Variants in PRPF31 observed in about 807,000 individuals in gnomAD.
The protein encoded by PRPF31 is U4/U6 small nuclear ribonucleoprotein Prp31.
Under a neutral mutation model 60.4 loss-of-function variants are expected in PRPF31, and 12 were observed. The observed-to-expected ratio is 0.20, with a 90% CI of 0.13 to 0.32. The LOEUF (loss-of-function observed/expected upper bound fraction) is 0.32, where lower values mean the gene tolerates loss of function less well. Ranked by LOEUF, PRPF31 falls within the 10% of genes least tolerant of loss-of-function variation. The probability of loss-of-function intolerance (pLI) is 1.00; values close to 1 mark genes in which losing one functional copy is unlikely to be tolerated. For synonymous variants in PRPF31, 287 were observed against 287.9 expected, an observed-to-expected ratio of 1.00 and a Z score of 0.03; for missense variants, 431 against 687.1, an observed-to-expected ratio of 0.63 and a Z score of 4.17.
At chr19:54,126,469 G>T (rs2073923138) in intron 8 of PRPF31, 59 bp from the exon 9 acceptor site, 2 of 1,550,340 alleles carry the variant, frequency 1.3e-6, no homozygotes, top group Non-Finnish European at 8.8e-7. Context: ...CGGTTGCTTT[G>T]CTGTTACCTC....
At chr19:54,126,711 C>A (rs587750412) in intron 9 of PRPF31, 94 bp downstream of exon 9, 4 of 1,239,702 alleles carry the variant, frequency 3.2e-6, no homozygotes, top group African/African-American at 1.5e-5. Flanking sequence ...CCCACCCCAG[C>A]GAGCACTGTC....
At chr19:54,131,017 A>C (rs975134613) in intron 13 of PRPF31, among the ~76,000 whole-genome samples, 1 of 152,180 alleles carries the variant, frequency 6.6e-6, no homozygotes, top group Admixed American at 6.5e-5. Flanking sequence ...CCAGGGACTC[A>C]GTTTCCTTAT....
chr19:54,121,790 C>T (rs1223045393), intron 3 of PRPF31, 70 bp from the exon 4 acceptor site: 1 of 1,458,164 alleles, frequency 6.9e-7, no homozygotes, highest in Admixed American at 2.0e-5. Flanking sequence ...TCCTCCGCCT[C>T]CTCCAGCTGC....
At chr19:54,127,640 A>G (rs1231460820) in intron 9 of PRPF31, among the ~76,000 whole-genome samples, 2 of 152,318 alleles carry the variant, frequency 1.3e-5, no homozygotes, top group Admixed American at 6.5e-5. Context: ...GTAATTATTC[A>G]GTTACCTTCT....
intron 8 of PRPF31, chr19:54,125,032 C>T: frequency 2.6e-6 from 1 of 383,510 alleles, no homozygotes; most frequent in South Asian, 2.6e-5. Context: ...TCAGGTTTGA[C>T]CATTCACTAG....
At chr19:54,126,978 G>C (rs1355781388) in intron 9 of PRPF31, among the ~76,000 whole-genome samples, 1 of 152,152 alleles carries the variant, frequency 6.6e-6, no homozygotes, top group Non-Finnish European at 1.5e-5. Context: ...AAATTAGCCG[G>C]GTGTGGTGGC....
At chr19:54,128,888 G>A (rs1600359219) in intron 11 of PRPF31, among the ~76,000 whole-genome samples, 169 bp from the exon 12 acceptor site, 2 of 152,160 alleles carry the variant, frequency 1.3e-5, no homozygotes, top group African/African-American at 2.4e-5. Flanking sequence ...AGCATCCCCC[G>A]CGTGTGTGGG....
chr19:54,126,477 C>T (rs775808620), intron 8 of PRPF31, 51 bp from the exon 9 acceptor site: 9 of 1,566,594 alleles, frequency 5.7e-6, no homozygotes, highest in Non-Finnish European at 7.0e-6. Flanking sequence ...TTGCTGTTAC[C>T]TCTGTCTGTC....
At chr19:54,128,968 C>G in intron 11 of PRPF31, 89 bp from the exon 12 acceptor site, 1 of 1,392,694 alleles carries the variant, frequency 7.2e-7, no homozygotes. Context: ...CTGGTGACCG[C>G]TGGGCTTCGG....
Position 54,129,387 on chromosome 19 carries a change from G to T in PRPF31, c.1374+17G>T. 1 of 1,576,282 alleles carries T rather than the reference G, an allele frequency of 6.3e-7. No individual in the cohort carries two copies. Among genetic ancestry groups the T allele is most frequent in the Non-Finnish European group, 8.6e-7 (1 of 1,162,584 alleles). On this transcript the variant is annotated intron_variant, in intron 13 of 13. Transcript: ENST00000321030. Reference sequence around the variant, plus strand: ...CCACTCCAGGTACCTCCCCTGGGCCGGCTCTGTCCCCAGCCCTGAGACCTT... The same window carrying T: ...CCACTCCAGGTACCTCCCCTGGGCCTGCTCTGTCCCCAGCCCTGAGACCTT...
chr19:54,131,254 G>T, intron 13 of PRPF31, 53 bp from the exon 14 acceptor site: 1 of 1,609,908 alleles, frequency 6.2e-7, no homozygotes, highest in Non-Finnish European at 8.5e-7. Flanking sequence ...ATGGGTCACA[G>T]TTGGGGCCTT....
intron 8 of PRPF31, 135 bp from the exon 9 acceptor site, chr19:54,126,393 C>T: frequency 2.5e-6 from 2 of 788,380 alleles, no homozygotes; most frequent in Admixed American, 4.0e-5. Context: ...GAGCACACAC[C>T]TCTAGAGCCC....
intron 8 of PRPF31, among the ~76,000 whole-genome samples, chr19:54,126,259 C>A (rs1424867466): frequency 6.6e-6 from 1 of 152,210 alleles, no homozygotes; most frequent in Non-Finnish European, 1.5e-5. Context: ...CCGGCGTCTC[C>A]ACAGTCACCA....
intron 4 of PRPF31, chr19:54,122,190 G>A (rs1256894522): frequency 2.5e-5 from 16 of 628,948 alleles, no homozygotes; most frequent in African/African-American, 1.5e-4. Flanking sequence ...CCTGTTGGTC[G>A]GCCACCTGCC....
chr19:54,115,906 TTG>T (rs765670561), intron 1 of PRPF31, 109 bp downstream of exon 1: 6 of 176,920 alleles, frequency 3.4e-5, no homozygotes, highest in Non-Finnish European at 7.3e-5. Flanking sequence ...TGTTTTTTTG[TTG>T]TTTGTTTGTT....
Position 54,122,709 on chromosome 19 carries a change from G to A in PRPF31, c.420+115G>A, listed in dbSNP as rs587639075. The A allele has an allele frequency of 3.2e-4, 273 of 858,800 alleles. 2 individuals are homozygous for A. The highest frequency in any genetic ancestry group is 5.4e-4 in the Admixed American group (30 of 55,688). 53.2% of individuals were successfully genotyped at this position (858,800 alleles called of 1,614,324 possible). On this transcript the variant is annotated intron_variant, in intron 5 of 13. Coordinates refer to ENST00000321030, the MANE Select transcript of PRPF31 (RefSeq NM_015629.4). ...GGAGACGATGGAGAGGAGTGGACGAGGGCTCAGTGGTCTGCTCTGCCCAGC... is the reference window on the plus strand; with the variant it reads ...GGAGACGATGGAGAGGAGTGGACGAAGGCTCAGTGGTCTGCTCTGCCCAGC...
Position 54,118,581 on chromosome 19 carries a change from G to A in PRPF31, c.186G>A (p.Glu62=), listed in dbSNP as rs2073708904. 1.9e-6 allele frequency: 3 copies of A among 1,614,102 alleles called. No individual in the cohort carries two copies. The highest frequency in any genetic ancestry group is 2.5e-6 in the Non-Finnish European group (3 of 1,180,030). ...AKLWDSKMFA[E]IMMKIEEYIS... is the part of the protein sequence containing the mutation. ...CTTCTCCTTTCCTACAGTTTGCTGA[G>A]ATTATGATGAAGATTGAGGAGTATA... The change falls in exon 3 of 14, where the codon GAG becomes GAA. Residue 62 remains glutamate (E), a synonymous_variant. Transcript: ENST00000321030.
intron 6 of PRPF31, 91 bp from the exon 7 acceptor site, chr19:54,123,658 A>G: frequency 1.3e-6 from 2 of 1,585,784 alleles, no homozygotes; most frequent in South Asian, 1.1e-5. Flanking sequence ...ACATACACAC[A>G]TGCACACACA....
chr19:54,119,488 C>T (rs1392945083), intron 3 of PRPF31: 1 of 150,958 alleles, frequency 6.6e-6, no homozygotes, highest in Non-Finnish European at 1.5e-5. Context: ...GTCCTGTTAC[C>T]ATTCCTATTC....
Sources: gnomAD v4.1 joint callset for allele counts (sites outside exome capture counted in the v4.1 genomes callset) on GRCh38, gnomAD v4.1.1 for gene constraint, MANE v1.5 for transcripts, NCBI Gene and HGNC (gene_info 2026-07-23, HGNC 2026-07-21) for gene names.